PFKFB4: variants seen among roughly 807,000 people sequenced by gnomAD.
PFKFB4 encodes 6-phosphofructo-2-kinase/fructose-2,6-bisphosphatase 4.
A neutral mutation model predicts 62.8 loss-of-function variants in PFKFB4; 42 were observed. The ratio of observed to expected loss-of-function variants is 0.67; its 90% CI spans 0.52 to 0.86. The LOEUF (loss-of-function observed/expected upper bound fraction) is 0.86. Among genes scored for constraint, PFKFB4 ranks in the 40% least tolerant of loss-of-function variants. The probability of loss-of-function intolerance (pLI) is 0.00; values close to 1 mark genes in which losing one functional copy is unlikely to be tolerated. For synonymous variants in PFKFB4, 204 were observed against 240.7 expected, an observed-to-expected ratio of 0.85 and a Z score of 1.41; for missense variants, 475 against 627.2, an observed-to-expected ratio of 0.76 and a Z score of 2.59.
At position 48,555,068 on chromosome 3, in the gene PFKFB4, A is replaced by G. The variant is rs1319209183; in HGVS notation, c.97+1613T>C. 3.3e-5 allele frequency among the ~76,000 whole-genome samples: 5 copies of G among 151,550 alleles called. No homozygotes were observed. The East Asian group carries it at 9.7e-4, about 29-fold the overall frequency. On this transcript the variant is annotated intron_variant, in intron 1 of 13. Transcript: ENST00000232375. ...TCCGTCTCAAAAAAAAAAAAAAAAA[A>G]AAAGTCCAGGTCCTCACTCCTTTCC...
At chr3:48,539,446 T>G in intron 5 of PFKFB4, 136 bp from the exon 6 acceptor site, 1 of 823,004 alleles carries the variant, frequency 1.2e-6, no homozygotes, top group Non-Finnish European at 2.1e-6. Context: ...AAACCCTGCT[T>G]CAGAGGGCTG....
Position 48,538,481 on chromosome 3 carries a change from G to GC in PFKFB4, c.632+16dup, listed in dbSNP as rs748079387. The stretch of plus-strand genomic sequence containing the variant: ...CCCACCATCACAGCTGCAGGGCCTG[G>GC]CGCTGCCCTGACTCACCTATCCAGG... On this transcript the variant is annotated intron_variant, in intron 7 of 13. Coordinates refer to ENST00000232375, the MANE Select transcript of PFKFB4 (RefSeq NM_004567.4). The GC allele has an allele frequency of 1.3e-4, 214 of 1,612,986 alleles. 1 individual carries two copies. The Middle Eastern group carries it at 1.5e-3, about 11-fold the overall frequency.
At position 48,535,488 on chromosome 3, in the gene PFKFB4, CAGGG is replaced by C; in HGVS notation, c.987+20_987+23del. On this transcript the variant is annotated intron_variant, in intron 9 of 13. Coordinates refer to ENST00000232375, the MANE Select transcript of PFKFB4 (RefSeq NM_004567.4). The stretch of plus-strand genomic sequence containing the variant: ...AGCCCTGCGGTATCTGGGAGGTAGA[CAGGG>C]AGGGAGGGACGGTAACTACCGCATC... The C allele has an allele frequency of 1.2e-6, 2 of 1,600,460 alleles. No individual in the cohort carries two copies. The highest frequency in any genetic ancestry group is 8.6e-7 in the Non-Finnish European group (1 of 1,168,750).
intron 9 of PFKFB4, among the ~76,000 whole-genome samples, chr3:48,527,258 C>CT (rs71074257): frequency 0.11 from 15,607 of 137,596 alleles, 1,680 homozygotes; most frequent in African/African-American, 0.28. Flanking sequence ...TAAACTAATA[C>CT]TTTTTTTTTT....
intron 4 of PFKFB4, 92 bp from the exon 5 acceptor site, chr3:48,539,863 A>AG: frequency 1.0e-6 from 1 of 979,252 alleles, no homozygotes; most frequent in Non-Finnish European, 1.6e-6. Context: ...GCCGCAGCAC[A>AG]GGCTCTCTGG....
At chr3:48,529,629 C>T (rs1234980235) in intron 9 of PFKFB4, among the ~76,000 whole-genome samples, 4 of 152,094 alleles carry the variant, frequency 2.6e-5, no homozygotes, top group African/African-American at 7.2e-5. Context: ...CCACCAAGCA[C>T]AAAATGGGTT....
rs1010962596 is a variant in PFKFB4, at chr3:48,517,704, A to T, written c.*2043T>A. 1 of 152,684 alleles carries T rather than the reference A, an allele frequency of 6.5e-6. No homozygotes were observed. The highest frequency in any genetic ancestry group is 2.4e-5 in the African/African-American group (1 of 41,474). 9.5% of individuals were successfully genotyped at this position (152,684 alleles called of 1,614,324 possible). A position where few individuals can be genotyped will look rare whatever the true frequency, so the allele number is the denominator to read the frequency against. ...TGAGATTATTTTTTAAAAAGTATTT[A>T]TTGCAAAGAATGCTGGACACAGTGT... is the stretch of plus-strand genomic sequence containing the variant. On this transcript the variant is annotated 3_prime_UTR_variant, in exon 14 of 14. Coordinates refer to ENST00000232375, the MANE Select transcript of PFKFB4 (RefSeq NM_004567.4).
intron 7 of PFKFB4, 79 bp downstream of exon 7, chr3:48,538,419 G>C: frequency 6.4e-7 from 1 of 1,554,504 alleles, no homozygotes; most frequent in Non-Finnish European, 8.8e-7. Flanking sequence ...CACCACCATG[G>C]GGAGCCATAG....
chr3:48,562,193 G>A (rs923213102), upstream of PFKFB4: 5 of 153,528 alleles, frequency 3.3e-5, no homozygotes, highest in African/African-American at 9.6e-5. The surrounding 1 kb of genome is among the most constrained non-coding windows in gnomAD (Gnocchi z 4.3). Flanking sequence ...CTTTGTGCCT[G>A]GAGACACCCC....
chr3:48,530,194 A>C (rs1404379723), intron 9 of PFKFB4, among the ~76,000 whole-genome samples: 4 of 152,156 alleles, frequency 2.6e-5, no homozygotes, highest in Non-Finnish European at 5.9e-5. Flanking sequence ...TAGAGGTTAC[A>C]GTGAGCTGAG....
chr3:48,521,437 C>T lies in PFKFB4; in HGVS notation c.1350+549G>A, dbSNP rs2042091143. On this transcript the variant is annotated intron_variant, in intron 13 of 13. Coordinates refer to ENST00000232375, the MANE Select transcript of PFKFB4 (RefSeq NM_004567.4). The surrounding 1 kb of genome is among the most constrained non-coding windows in gnomAD (Gnocchi z 5.3). Reference sequence around the variant, plus strand: ...CACAGGTGGTGACTGCTTTTCTGGACCAAGGTCTCCACCCCATGCTGAGGC... The same window carrying T: ...CACAGGTGGTGACTGCTTTTCTGGATCAAGGTCTCCACCCCATGCTGAGGC... 6.6e-6 allele frequency among the ~76,000 whole-genome samples: 1 copy of T among 152,170 alleles called. No individual in the cohort carries two copies. Among genetic ancestry groups the T allele is most frequent in the Non-Finnish European group, 1.5e-5 (1 of 68,026 alleles).
intron 9 of PFKFB4, among the ~76,000 whole-genome samples, chr3:48,531,298 G>A (rs1293459949): frequency 2.0e-5 from 3 of 151,912 alleles, no homozygotes; most frequent in South Asian, 4.2e-4. Context: ...AGGAGTTCAA[G>A]ACCAGCCTGA....
At chr3:48,559,638 G>A, upstream of PFKFB4, 1 of 456,634 alleles carries the variant, frequency 2.2e-6, no homozygotes, top group Non-Finnish European at 4.4e-6. Flanking sequence ...CCGAAAGTGA[G>A]CCAGCTGTTC....
chr3:48,522,060 G>T lies in PFKFB4; in HGVS notation c.1286-10C>A. On this transcript the variant is annotated splice_polypyrimidine_tract_variant and intron_variant, in intron 12 of 13. Coordinates refer to ENST00000232375, the MANE Select transcript of PFKFB4 (RefSeq NM_004567.4). ...GACTCCACTTTACAACCTGCCAAAGGGAAGATGCAAATCCATCCCCACTCC... is the reference window on the plus strand; with the variant it reads ...GACTCCACTTTACAACCTGCCAAAGTGAAGATGCAAATCCATCCCCACTCC... 6.2e-7 allele frequency: 1 copy of T among 1,613,780 alleles called. No individual in the cohort carries two copies. Among genetic ancestry groups the T allele is most frequent in the Non-Finnish European group, 8.5e-7 (1 of 1,179,670 alleles).
In PFKFB4 at chr3:48,521,941, C is replaced by A; in HGVS notation, c.1350+45G>T. 1 of 1,529,066 alleles carries A rather than the reference C, an allele frequency of 6.5e-7. No individual in the cohort carries two copies. Among genetic ancestry groups the A allele is most frequent in the African/African-American group, 1.4e-5 (1 of 73,372 alleles). 94.7% of individuals were successfully genotyped at this position (1,529,066 alleles called of 1,614,324 possible). ...GGAGGATGTGCAGTCTGGACACCCC[C>A]ACATCAGGAACACCCCGCTACCCCA... On this transcript the variant is annotated intron_variant, in intron 13 of 13. Transcript: ENST00000232375. This position sits in a 1 kb window ranked among gnomAD's most constrained non-coding sequence, Gnocchi z 5.3.
chr3:48,552,700 G>A (rs1252947018), intron 1 of PFKFB4, among the ~76,000 whole-genome samples: 5 of 152,200 alleles, frequency 3.3e-5, no homozygotes. Context: ...CGCTGATGGG[G>A]CCACCCCCCA....
chr3:48,552,283 G>A (rs951262245), intron 1 of PFKFB4, among the ~76,000 whole-genome samples: 10 of 152,228 alleles, frequency 6.6e-5, no homozygotes, highest in African/African-American at 2.4e-4. Context: ...GGTGTACCTC[G>A]GCACCGACTG....
chr3:48,526,843 A>G (rs2042277633), intron 9 of PFKFB4, among the ~76,000 whole-genome samples: 1 of 151,656 alleles, frequency 6.6e-6, no homozygotes, highest in Non-Finnish European at 1.5e-5. Flanking sequence ...TGGGAGGCTG[A>G]GGCAGAAGAA....
chr3:48,522,146 G>A, intron 12 of PFKFB4, 96 bp from the exon 13 acceptor site: 1 of 1,068,772 alleles, frequency 9.4e-7, no homozygotes. Flanking sequence ...TGGGCGTGTG[G>A]AATGGAGCAG....
Sources: allele counts gnomAD v4.1 joint callset (sites outside exome capture counted in the v4.1 genomes callset), GRCh38; gene constraint gnomAD v4.1.1; non-coding constraint Gnocchi (gnomAD v3.1); transcripts MANE v1.5; gene names NCBI Gene and HGNC (gene_info 2026-07-23, HGNC 2026-07-21).